Variants in ANK1 observed in about 807,000 individuals in gnomAD.
ANK1 encodes ankyrin-1.
Under a neutral mutation model 210.4 loss-of-function variants are expected in ANK1, and 51 were observed. That is an observed-to-expected ratio of 0.24 (90% CI 0.19 to 0.31). The LOEUF is 0.31. Ranked by LOEUF, ANK1 falls within the 10% of genes least tolerant of loss-of-function variation. The pLI is 1.00. For synonymous variants in ANK1, 967 were observed against 1,025.9 expected, an observed-to-expected ratio of 0.94 and a Z score of 1.10; for missense variants, 2,051 against 2,504.4, an observed-to-expected ratio of 0.82 and a Z score of 3.86.
At chr8:41,661,716 G>A (rs1808277019) in intron 41 of ANK1, 152 bp from the exon 42 acceptor site, 3 of 1,598,644 alleles carry the variant, frequency 1.9e-6, no homozygotes, top group Non-Finnish European at 2.6e-6. Context: ...AGAGGTGAGT[G>A]GAGGGAGGTG....
At chr8:41,702,814 C>T (rs1002879540) in intron 20 of ANK1, among the ~76,000 whole-genome samples, 5 of 151,842 alleles carry the variant, frequency 3.3e-5, no homozygotes, top group African/African-American at 1.2e-4. Context: ...CATCTACAAT[C>T]GAGTCCACTT....
chr8:41,836,413 A>G (rs1313186759), intron 1 of ANK1, among the ~76,000 whole-genome samples: 2 of 152,210 alleles, frequency 1.3e-5, no homozygotes. Flanking sequence ...CCATGTGACT[A>G]GAGAGGAGGA....
At chr8:41,710,459 C>T (rs2150624727) in intron 16 of ANK1, among the ~76,000 whole-genome samples, 1 of 152,284 alleles carries the variant, frequency 6.6e-6, no homozygotes, top group Admixed American at 6.5e-5. Context: ...TACACAAATC[C>T]CTTGGGACCT....
At chr8:41,812,509 T>C (rs374920267) in intron 1 of ANK1, among the ~76,000 whole-genome samples, 1 of 152,214 alleles carries the variant, frequency 6.6e-6, no homozygotes, top group Non-Finnish European at 1.5e-5. Flanking sequence ...GTAAAAGTTG[T>C]CTAGAGCAGT....
chr8:41,766,079 G>A (rs939172196), intron 1 of ANK1, among the ~76,000 whole-genome samples: 4 of 152,218 alleles, frequency 2.6e-5, no homozygotes, highest in Non-Finnish European at 5.9e-5. Flanking sequence ...CAGTCATAAG[G>A]CAATGCCACT....
At chr8:41,885,454 T>C (rs1293219858) in intron 1 of ANK1, among the ~76,000 whole-genome samples, 1 of 152,250 alleles carries the variant, frequency 6.6e-6, no homozygotes, top group Non-Finnish European at 1.5e-5. Context: ...GCAGATACCA[T>C]AGTTAAGTGC....
At chr8:41,865,508 A>T (rs1275834654) in intron 1 of ANK1, among the ~76,000 whole-genome samples, 3 of 151,984 alleles carry the variant, frequency 2.0e-5, no homozygotes, top group African/African-American at 7.3e-5. Context: ...CTGCATCTCC[A>T]GCCCAGCCCT....
intron 1 of ANK1, among the ~76,000 whole-genome samples, chr8:41,781,549 G>C (rs888157575): frequency 1.3e-5 from 2 of 152,228 alleles, no homozygotes; most frequent in African/African-American, 4.8e-5. Context: ...ACACACTGCT[G>C]TTGTCTTCTG....
At chr8:41,877,189 T>C (rs539946592) in intron 1 of ANK1, among the ~76,000 whole-genome samples, 7 of 152,316 alleles carry the variant, frequency 4.6e-5, no homozygotes, top group African/African-American at 9.6e-5. Flanking sequence ...AGAAGGGACC[T>C]GGGAAAGAAA....
In ANK1 at chr8:41,776,471, C is replaced by T. The variant is rs892122379; in HGVS notation, c.28-18334G>A. Among the ~76,000 whole-genome samples, 4 of 152,218 alleles carry T rather than the reference C, an allele frequency of 2.6e-5. 1 individual carries two copies. The highest frequency in any genetic ancestry group is 1.9e-4 in the East Asian group (1 of 5,184). On this transcript the variant is annotated intron_variant, in intron 1 of 42. Transcript: ENST00000289734. The stretch of plus-strand genomic sequence containing the variant: ...TTACAACAGTAACATCGTCATGTAA[C>T]CTCCATTGCACACTTCTGAACCAAG...
At position 41,733,992 on chromosome 8, in the gene ANK1, G is replaced by A; in HGVS notation, c.207C>T (p.Ile69=). 6.2e-7 allele frequency: 1 copy of A among 1,614,212 alleles called. No individual in the cohort carries two copies. Among genetic ancestry groups the A allele is most frequent in the Non-Finnish European group, 8.5e-7 (1 of 1,180,028 alleles). The change falls in exon 3 of 43, where the codon ATC becomes ATT. Residue 69 remains isoleucine, a synonymous_variant. Transcript: ENST00000289734. The part of the protein sequence containing the change: ...KMVVELLHKE[I]ILETTTKKGN... ...ATACCTTGGTTGTCGTTTCTAGAAT[G>A]ATTTCTTTGTGCAGAAGTTCAACCA...
intron 1 of ANK1, among the ~76,000 whole-genome samples, chr8:41,882,712 C>G (rs1294492227): frequency 6.6e-6 from 1 of 152,240 alleles, no homozygotes; most frequent in Non-Finnish European, 1.5e-5. Context: ...TCATGCACCC[C>G]ACAGAACATC....
At chr8:41,782,038 T>C (rs928566786) in intron 1 of ANK1, among the ~76,000 whole-genome samples, 14 of 152,112 alleles carry the variant, frequency 9.2e-5, no homozygotes, top group African/African-American at 2.9e-4. Flanking sequence ...ATAACTGGGA[T>C]TTTTAAAGGC....
intron 40 of ANK1, among the ~76,000 whole-genome samples, 175 bp from the exon 41 acceptor site, chr8:41,662,116 G>T (rs1266184364): frequency 1.3e-5 from 2 of 152,170 alleles, no homozygotes; most frequent in African/African-American, 4.8e-5. Flanking sequence ...AATTAGCCCG[G>T]TGTGGTGGCA....
chr8:41,764,696 A>G (rs1184224858), intron 1 of ANK1, among the ~76,000 whole-genome samples: 2 of 152,162 alleles, frequency 1.3e-5, no homozygotes, highest in Admixed American at 1.3e-4. Flanking sequence ...GCTTCGTTTT[A>G]ATCTAATTCT....
intron 37 of ANK1, among the ~76,000 whole-genome samples, chr8:41,673,706 G>A (rs1269233810): frequency 6.6e-6 from 1 of 152,192 alleles, no homozygotes; most frequent in Non-Finnish European, 1.5e-5. Context: ...CGACCTGGTG[G>A]GATGGGAGCC....
At chr8:41,805,693 T>G (rs1009427196) in intron 1 of ANK1, among the ~76,000 whole-genome samples, 1 of 152,214 alleles carries the variant, frequency 6.6e-6, no homozygotes, top group Non-Finnish European at 1.5e-5. Context: ...AGACAACATA[T>G]TTTTCTGAAA....
Position 41,672,416 on chromosome 8 carries a change from C to G in ANK1, c.5034G>C (p.Arg1678Ser). Residue 1678 changes from arginine to serine, a missense_variant, in exon 38 of 43, where the codon AGG becomes AGC. Transcript: ENST00000289734. ...GGGAATGTGTGATTCGGGCTTGCCCCCTCTGATGGCCTGAAACAAGAGACA... is the reference window on the plus strand; with the variant it reads ...GGGAATGTGTGATTCGGGCTTGCCCGCTCTGATGGCCTGAAACAAGAGACA... ...NEVSLVSGHQ[R>S]GQARITHSPT... 6.2e-7 allele frequency: 1 copy of G among 1,614,248 alleles called. No individual in the cohort carries two copies. The highest frequency in any genetic ancestry group is 8.5e-7 in the Non-Finnish European group (1 of 1,180,044).
In ANK1 at chr8:41,813,265, G is replaced by A. The variant is rs566531690; in HGVS notation, c.127-55128C>T. 3.3e-5 allele frequency among the ~76,000 whole-genome samples: 5 copies of A among 152,168 alleles called. No homozygotes were observed. In the East Asian group the frequency reaches 9.6e-4, roughly 29 times the overall value. The stretch of plus-strand genomic sequence containing the variant: ...GCGATTTCTCCAAAGTTCACATCAG[G>A]TCATCTGGCTTCAGCTTGCGGGGCT... On this transcript the variant is annotated intron_variant, in intron 1 of 42. Coordinates refer to the ANK1 transcript ENST00000265709.
Sources: gnomAD v4.1 joint callset for allele counts (sites outside exome capture counted in the v4.1 genomes callset) on GRCh38, gnomAD v4.1.1 for gene constraint, MANE v1.5 for transcripts, NCBI Gene and HGNC (gene_info 2026-07-23, HGNC 2026-07-21) for gene names.